The following SH3YL1 variants were observed in gnomAD, a reference collection of about 807,000 sequenced individuals.
SH3YL1 encodes SH3 and SYLF domain containing 1, also known as SH3 domain-containing YSC84-like protein 1.
A neutral mutation model predicts 45.8 loss-of-function variants in SH3YL1; 41 were observed. The observed-to-expected ratio is 0.89, with a 90% CI of 0.70 to 1.16. SH3YL1 has a LOEUF of 1.16. SH3YL1 is among the 50% of genes most tolerant of loss of function. The pLI, the probability that SH3YL1 is intolerant of heterozygous loss-of-function variation, is 0.00. For missense variants in SH3YL1, 389 were observed against 409.6 expected (o/e 0.95, Z 0.43); for synonymous variants, 152 against 151.4 (o/e 1.00, Z -0.03).
At chr2:240,957 C>G (rs1243072022) in intron 4 of SH3YL1, 1 of 152,080 alleles carries the variant, frequency 6.6e-6, no homozygotes, top group Non-Finnish European at 1.5e-5. Context: ...AATATAATAT[C>G]TAAAATTTCT....
chr2:242,001 AAAT>A (rs1668566940), intron 4 of SH3YL1: 1 of 152,138 alleles, frequency 6.6e-6, no homozygotes, highest in Admixed American at 6.5e-5. Context: ...ATCTAACCAT[AAAT>A]AATAGTATAA....
chr2:249,580 C>A, intron 3 of SH3YL1, 151 bp downstream of exon 3: 1 of 574,440 alleles, frequency 1.7e-6, no homozygotes, highest in Non-Finnish European at 3.1e-6. Flanking sequence ...TCACTGACAC[C>A]AAACTGCACG....
chr2:263,972 C>G lies in SH3YL1; in HGVS notation c.1+12G>C, dbSNP rs1242257073. The G allele has an allele frequency of 6.7e-7, 1 of 1,499,346 alleles. No homozygotes were observed. The highest frequency in any genetic ancestry group is 2.2e-5 in the Admixed American group (1 of 44,588). 92.9% of individuals were successfully genotyped at this position (1,499,346 alleles called of 1,614,324 possible). ...AGGGTGCTGCCGGACAGGTGGGTCC[C>G]CGGGTACTCACTGCTGCCCGCCCGG... is the stretch of plus-strand genomic sequence containing the variant. On this transcript the variant is annotated intron_variant, in intron 1 of 9. Coordinates refer to ENST00000356150, the MANE Select transcript of SH3YL1 (RefSeq NM_015677.4).
At chr2:247,144 T>C (rs142494852) in intron 4 of SH3YL1, among the ~76,000 whole-genome samples, 53 of 152,346 alleles carry the variant, frequency 3.5e-4, no homozygotes, top group African/African-American at 1.2e-3. Context: ...TATCATATGT[T>C]ACAAAACTGG....
chr2:239,592 T>A (rs1472928502), intron 4 of SH3YL1: 11 of 152,210 alleles, frequency 7.2e-5, no homozygotes, highest in Admixed American at 7.2e-4. Context: ...TTTACAGATT[T>A]GATTCAGGAA....
chr2:262,769 CTT>C, intron 1 of SH3YL1: 1 of 1,136,014 alleles, frequency 8.8e-7, no homozygotes, highest in African/African-American at 1.6e-5. Flanking sequence ...TGAGAAATCT[CTT>C]GAGAATAAAG....
chr2:262,688 C>T, intron 1 of SH3YL1: 1 of 1,302,100 alleles, frequency 7.7e-7, no homozygotes, highest in Admixed American at 2.3e-5. Flanking sequence ...GTCAGGGTAG[C>T]AGTTATTTCC....
At chr2:237,018 A>G (rs528975394) in intron 4 of SH3YL1, among the ~76,000 whole-genome samples, 1 of 152,316 alleles carries the variant, frequency 6.6e-6, no homozygotes, top group Non-Finnish European at 1.5e-5. Flanking sequence ...ATGGTGCTGA[A>G]TGGCAGATAA....
chr2:219,915 G>A (rs1280679844), intron 9 of SH3YL1, among the ~76,000 whole-genome samples: 1 of 151,982 alleles, frequency 6.6e-6, no homozygotes, highest in African/African-American at 2.4e-5. Context: ...TGTTTCACAA[G>A]TACTTCAATG....
chr2:222,095 T>C (rs1667604985), intron 9 of SH3YL1, among the ~76,000 whole-genome samples: 1 of 152,242 alleles, frequency 6.6e-6, no homozygotes, highest in Admixed American at 6.5e-5. Flanking sequence ...ATGCCTTTCC[T>C]TCTGCACAGC....
chr2:247,974 A>C (rs1668905894), intron 3 of SH3YL1, among the ~76,000 whole-genome samples: 1 of 152,202 alleles, frequency 6.6e-6, no homozygotes, highest in Admixed American at 6.5e-5. Context: ...TTCAGCTAGA[A>C]TTTTGTCACA....
At chr2:264,394 C>T (rs934447898), upstream of SH3YL1, 35 of 211,332 alleles carry the variant, frequency 1.7e-4, no homozygotes, top group Non-Finnish European at 2.5e-4. Flanking sequence ...CCACAGCCCG[C>T]CACGTGCGCG....
intron 8 of SH3YL1, 58 bp downstream of exon 8, chr2:229,908 A>G (rs769306121): frequency 7.6e-7 from 1 of 1,322,402 alleles, no homozygotes; most frequent in East Asian, 2.4e-5. Flanking sequence ...TTTCTTAATG[A>G]TAACATTTAA....
chr2:263,392 A>G lies in SH3YL1; in HGVS notation c.1+592T>C, dbSNP rs140170169. On this transcript the variant is annotated intron_variant, in intron 1 of 9. Transcript: ENST00000356150. ...CACTTCCTTAAAGAAGGAAAAACTC[A>G]GCAGCCAGCGCCAAGGCCCAGCGAT... 9 of 155,100 alleles carry G rather than the reference A, an allele frequency of 5.8e-5. No individual in the cohort carries two copies. In the East Asian group the frequency reaches 1.7e-3, roughly 30 times the overall value. 9.6% of individuals were successfully genotyped at this position (155,100 alleles called of 1,614,324 possible).
rs756998987 is a variant in SH3YL1, at chr2:229,975, C to G, written c.772G>C (p.Gly258Arg). ...CAACAAAAATATTTACTTTGAGAGC[C>G]AGAGTTCAGCTGGACTGGTGCAGAT... ...QSSAPVQLNS[G>R]SQSNRNEYKL... Residue 258 changes from glycine (G) to arginine (R), a missense_variant, in exon 8 of 10, where the codon GGC becomes CGC. Physicochemically the swap from Gly to Arg is moderately radical, Grantham distance 125. Coordinates refer to ENST00000356150, the MANE Select transcript of SH3YL1 (RefSeq NM_015677.4). The G allele has an allele frequency of 6.2e-7, 1 of 1,612,014 alleles. No individual in the cohort carries two copies. The highest frequency in any genetic ancestry group is 8.5e-7 in the Non-Finnish European group (1 of 1,178,532).
intron 4 of SH3YL1, 126 bp from the exon 5 acceptor site, chr2:234,398 G>A (rs553600127): frequency 9.4e-6 from 6 of 640,154 alleles, no homozygotes; most frequent in African/African-American, 3.7e-5. Flanking sequence ...AGGAAAGAAC[G>A]TGAGACAAGA....
intron 9 of SH3YL1, among the ~76,000 whole-genome samples, chr2:222,183 T>G (rs1250781262): frequency 6.6e-6 from 1 of 152,194 alleles, no homozygotes; most frequent in Non-Finnish European, 1.5e-5. Context: ...TCCTTTATAA[T>G]ATTCAAGTTT....
At chr2:233,002 TA>T in intron 6 of SH3YL1, 98 bp downstream of exon 6, 1 of 1,067,730 alleles carries the variant, frequency 9.4e-7, no homozygotes, top group Non-Finnish European at 1.3e-6. Context: ...CCACATGTTG[TA>T]AAAAGAATAT....
chr2:231,066 C>T lies in SH3YL1; in HGVS notation c.659G>A (p.Arg220Gln), dbSNP rs768682051. 49 of 1,613,966 alleles carry T rather than the reference C, an allele frequency of 3.0e-5. No individual in the cohort carries two copies. Among genetic ancestry groups the T allele is most frequent in the African/African-American group, 8.0e-5 (6 of 74,894 alleles). ...FTEKYENEGQ[R>Q]INARKAAREQ... ...CCTTGCTGCTTTTCTTGCATTGATT[C>T]GTTGTCCTTCATTTTCATACTTTTC... is the stretch of plus-strand genomic sequence containing the variant. Residue 220 changes from arginine to glutamine, a missense_variant, in exon 7 of 10, where the codon CGA becomes CAA. Coordinates refer to ENST00000356150, the MANE Select transcript of SH3YL1 (RefSeq NM_015677.4).
Sources: allele counts gnomAD v4.1 joint callset (sites outside exome capture counted in the v4.1 genomes callset), GRCh38; gene constraint gnomAD v4.1.1; transcripts MANE v1.5; gene names NCBI Gene and HGNC (gene_info 2026-07-23, HGNC 2026-07-21).